Variants in SPATA1 observed in about 807,000 individuals in gnomAD.
The protein encoded by SPATA1 is spermatogenesis associated 1, also known as spermatogenesis-associated protein 1.
Under a neutral mutation model 59.6 loss-of-function variants are expected in SPATA1, and 57 were observed. That is an observed-to-expected ratio of 0.96 (90% CI 0.77 to 1.19). The LOEUF (loss-of-function observed/expected upper bound fraction) is 1.19. Ranked by LOEUF, SPATA1 falls within the 50% of genes most tolerant of loss-of-function variation. The pLI is 0.00. For missense variants in SPATA1, 448 were observed against 480.7 expected, an observed-to-expected ratio of 0.93 and a Z score of 0.64; for synonymous variants, 147 against 163.9, an observed-to-expected ratio of 0.90 and a Z score of 0.79.
exon 13 of SPATA1, chr1:84,553,145 T>C: frequency 1.5e-6 from 2 of 1,345,728 alleles, no homozygotes; most frequent in Non-Finnish European, 2.0e-6. Context: ...TTAAAACTTT[T>C]ATTTGTAAAA....
chr1:84,524,729 A>C (rs1683151394), intron 4 of SPATA1, among the ~76,000 whole-genome samples: 2 of 152,172 alleles, frequency 1.3e-5, no homozygotes, highest in Non-Finnish European at 2.9e-5. Context: ...ACTTAGCTCA[A>C]GTATTATCTT....
intron 3 of SPATA1, among the ~76,000 whole-genome samples, chr1:84,521,231 G>A (rs1395417): frequency 0.18 from 27,390 of 152,000 alleles, 2,558 homozygotes; most frequent in South Asian, 0.31. Context: ...TCTGAGAATA[G>A]CAGTTAAAGC....
downstream of SPATA1, chr1:84,554,976 C>CT: frequency 6.3e-7 from 1 of 1,596,892 alleles, no homozygotes; most frequent in Non-Finnish European, 8.6e-7. Flanking sequence ...CTTTCTAACT[C>CT]TTAATGGTTT....
At chr1:84,511,416 G>T (rs1682538896) in intron 1 of SPATA1, among the ~76,000 whole-genome samples, 1 of 152,022 alleles carries the variant, frequency 6.6e-6, no homozygotes, top group African/African-American at 2.4e-5. Context: ...TATATCCTGA[G>T]AACTTTTCAA....
At chr1:84,514,689 C>T (rs747426623) in intron 1 of SPATA1, among the ~76,000 whole-genome samples, 7 of 152,026 alleles carry the variant, frequency 4.6e-5, no homozygotes, top group Admixed American at 2.6e-4. Flanking sequence ...TGTTCTGGGA[C>T]GGGCACAGTG....
At chr1:84,564,803 T>A (rs1459423833) in intron 4 of SPATA1, among the ~76,000 whole-genome samples, 3 of 152,160 alleles carry the variant, frequency 2.0e-5, no homozygotes, top group Non-Finnish European at 2.9e-5. Flanking sequence ...TGAAGCTCTC[T>A]GGGAGGCTGA....
chr1:84,561,835 C>T (rs959308559), intron 4 of SPATA1, among the ~76,000 whole-genome samples: 3 of 152,124 alleles, frequency 2.0e-5, no homozygotes, highest in African/African-American at 7.2e-5. Context: ...AAGGTATGTA[C>T]TTTTTTTAGA....
chr1:84,554,576 A>C (rs2102013584), downstream of SPATA1: 1 of 159,212 alleles, frequency 6.3e-6, no homozygotes, highest in East Asian at 1.9e-4. Context: ...GGTTGGGGGA[A>C]AAGTATAGCA....
At chr1:84,523,493 T>TTA (rs1360544326) in intron 4 of SPATA1, among the ~76,000 whole-genome samples, 4 of 152,240 alleles carry the variant, frequency 2.6e-5, no homozygotes, top group African/African-American at 9.6e-5. Flanking sequence ...TACCATTAGA[T>TTA]TATAGGTCCT....
At chr1:84,540,310 G>A (rs958905380) in intron 8 of SPATA1, among the ~76,000 whole-genome samples, 4 of 150,556 alleles carry the variant, frequency 2.7e-5, no homozygotes, top group Non-Finnish European at 3.0e-5. Flanking sequence ...TTTTCGTCTT[G>A]GTATTTAGAA....
intron 1 of SPATA1, among the ~76,000 whole-genome samples, chr1:84,511,113 CCAA>C (rs1434377381): frequency 6.6e-6 from 1 of 151,816 alleles, no homozygotes; most frequent in African/African-American, 2.4e-5. Context: ...GTGATTATAG[CCAA>C]CAATAATTTA....
In SPATA1 at chr1:84,520,657, G is replaced by T. The variant is rs1370809242; in HGVS notation, c.109G>T (p.Val37Phe). The T allele has an allele frequency of 7.6e-6, 12 of 1,574,456 alleles. No individual in the cohort carries two copies. The African/African-American group carries it at 1.6e-4, about 21-fold the overall frequency. Residue 37 changes from valine (V) to phenylalanine (F), a missense_variant, in exon 3 of 13, where the codon GTT becomes TTT. Transcript: ENST00000490879. ...TAAGCTAAATACCATTTCAACAGAA[G>T]TTGTTAACAAATTCATTTCAGCTGG...
Position 84,546,302 on chromosome 1 carries a change from A to C in SPATA1, c.946+543A>C, listed in dbSNP as rs542181891. Reference sequence around the variant, plus strand: ...AACTCCGTCTCTACTAAAAATACAAAAATTAGCCTAGCCAGGTGTGGTGGT... The same window carrying C: ...AACTCCGTCTCTACTAAAAATACAACAATTAGCCTAGCCAGGTGTGGTGGT... On this transcript the variant is annotated intron_variant, in intron 10 of 12. Transcript: ENST00000490879. Among the ~76,000 whole-genome samples the C allele has an allele frequency of 4.6e-5, 7 of 152,174 alleles. No homozygotes were observed. The East Asian group carries it at 1.4e-3, about 29-fold the overall frequency.
rs1054240864 is a variant in SPATA1 at position 84,526,176 on chromosome 1, G to C, written c.544+103G>C. The C allele has an allele frequency of 9.7e-6, 9 of 929,952 alleles. No individual in the cohort carries two copies. In the Admixed American group the frequency reaches 1.8e-4, roughly 18 times the overall value. The allele number at this position is 929,952 out of a possible 1,614,324, so 57.6% of individuals were successfully genotyped here. On this transcript the variant is annotated intron_variant, in intron 6 of 12. Coordinates refer to ENST00000490879, the Ensembl canonical transcript of SPATA1. ...GAGCAAACCTAGCCTTACAAATATA[G>C]GCAGTTTAAAAAGAAAGCTACAATT...
At position 84,509,208 on chromosome 1, in the gene SPATA1, T is replaced by TAAAAAAAA. The variant is rs547069684; in HGVS notation, c.-138+2797_-138+2804dup. Among the ~76,000 whole-genome samples the TAAAAAAAA allele has an allele frequency of 4.9e-4, 66 of 134,466 alleles. 1 individual carries two copies. Among genetic ancestry groups the TAAAAAAAA allele is most frequent in the South Asian group, 2.4e-3 (10 of 4,250 alleles). 88.2% of individuals were successfully genotyped at this position (134,466 alleles called of 152,430 possible). A position where few individuals can be genotyped will look rare whatever the true frequency, so the allele number is the denominator to read the frequency against. ...TAACCAAAACAGCATGGTACTGGCA[T>TAAAAAAAA]AAAAAAAAAAAAAACATAGACCAGT... On this transcript the variant is annotated intron_variant, in intron 1 of 12. Coordinates refer to ENST00000490879, the Ensembl canonical transcript of SPATA1.
chr1:84,533,707 A>C lies in SPATA1; in HGVS notation c.660-2A>C. ...ACTTTCAAACCTGTCATTTCCTTTAAGTCAGTGTCTTTGGGAAAATGAAGA... is the reference window on the plus strand; with the variant it reads ...ACTTTCAAACCTGTCATTTCCTTTACGTCAGTGTCTTTGGGAAAATGAAGA... On this transcript the variant is annotated splice_acceptor_variant, in intron 7 of 12. Coordinates refer to ENST00000490879, the Ensembl canonical transcript of SPATA1. LOFTEE classifies it high-confidence loss of function. 6.4e-7 allele frequency: 1 copy of C among 1,559,626 alleles called. No homozygotes were observed. The highest frequency in any genetic ancestry group is 2.3e-5 in the East Asian group (1 of 42,742).
exon 13 of SPATA1, chr1:84,554,302 CAT>C (rs959309055): frequency 7.2e-5 from 11 of 152,206 alleles, no homozygotes; most frequent in African/African-American, 2.6e-4. Flanking sequence ...AAATGAGCCT[CAT>C]AAAAATAATG....
Position 84,551,029 on chromosome 1 carries a change from A to C in SPATA1, c.1224+499A>C, listed in dbSNP as rs1684254511. ...TGCCTTAGTTAACTTTGTTTCTCCC[A>C]TGGGACCTTTTGTATAGCAGATGCT... On this transcript the variant is annotated intron_variant, in intron 12 of 12. Coordinates refer to ENST00000490879, the Ensembl canonical transcript of SPATA1. The C allele has an allele frequency of 3.0e-6, 3 of 985,242 alleles. No individual in the cohort carries two copies. The African/African-American group carries it at 5.2e-5, about 17-fold the overall frequency. 61.0% of individuals were successfully genotyped at this position (985,242 alleles called of 1,614,324 possible).
downstream of SPATA1, among the ~76,000 whole-genome samples, chr1:84,556,757 G>A (rs542616291): frequency 2.0e-5 from 3 of 150,558 alleles, no homozygotes; most frequent in East Asian, 3.9e-4. Flanking sequence ...TAATTCACCT[G>A]GTAAATGAAT....
Sources: gnomAD v4.1 joint callset for allele counts (sites outside exome capture counted in the v4.1 genomes callset) on GRCh38, gnomAD v4.1.1 for gene constraint, MANE v1.5 for transcripts, NCBI Gene and HGNC (gene_info 2026-07-23, HGNC 2026-07-21) for gene names.